COX11: variants seen among roughly 807,000 people sequenced by gnomAD.
COX11 encodes the protein cytochrome c oxidase assembly protein COX11, mitochondrial.
COX11 carries 18 observed loss-of-function variants against 29.4 expected under a neutral mutation model. The ratio of observed to expected loss-of-function variants is 0.61; its 90% CI spans 0.42 to 0.91. COX11 has a LOEUF of 0.91. Ranked by LOEUF, COX11 falls within the 40% of genes least tolerant of loss-of-function variation. COX11 has a pLI of 0.00. For synonymous variants in COX11, 131 were observed against 124.0 expected (o/e 1.06, Z -0.38); for missense variants, 312 against 346.0 (o/e 0.90, Z 0.78).
At chr17:54,966,969 A>ACCC (rs1472366687) in intron 1 of COX11, among the ~76,000 whole-genome samples, 3 of 152,088 alleles carry the variant, frequency 2.0e-5, no homozygotes, top group African/African-American at 7.2e-5. Context: ...TGAGCCCAGG[A>ACCC]GTTGAGACCA....
intron 3 of COX11, 69 bp from the exon 4 acceptor site, chr17:54,962,984 T>G: frequency 7.3e-7 from 1 of 1,361,704 alleles, no homozygotes; most frequent in Non-Finnish European, 1.0e-6. Context: ...TATACAGTTC[T>G]TTTATCTTAG....
At chr17:54,957,017 A>G (rs951195486), downstream of COX11, 2 of 152,210 alleles carry the variant, frequency 1.3e-5, no homozygotes, top group African/African-American at 4.8e-5. Context: ...CCATCTGTAA[A>G]TTGCTGAGGT....
chr17:54,959,128 A>G (rs930357617), downstream of COX11: 1 of 152,194 alleles, frequency 6.6e-6, no homozygotes, highest in Admixed American at 6.5e-5. Flanking sequence ...TTTGAGGGAG[A>G]TGAGACCAAA....
rs1049923232 is a variant in COX11, at chr17:54,960,810, G to C, written c.*1923C>G. On this transcript the variant is annotated 3_prime_UTR_variant, in exon 4 of 4. Coordinates refer to ENST00000299335, the MANE Select transcript of COX11 (RefSeq NM_004375.5). ...TGTTCACTAATGAGAGTCATTCTTTGTGATTTTCTCATCTGTAAATAGTAA... is the reference window on the plus strand; with the variant it reads ...TGTTCACTAATGAGAGTCATTCTTTCTGATTTTCTCATCTGTAAATAGTAA... 6.6e-6 allele frequency among the ~76,000 whole-genome samples: 1 copy of C among 152,142 alleles called. No homozygotes were observed. The highest frequency in any genetic ancestry group is 1.5e-5 in the Non-Finnish European group (1 of 68,022).
upstream of COX11, chr17:54,968,688 G>C: frequency 6.3e-7 from 1 of 1,579,576 alleles, no homozygotes; most frequent in Non-Finnish European, 8.6e-7. Context: ...AGGGACGAGA[G>C]GTCAAATCTC....
rs1310473186 is a variant in COX11 at position 54,967,042 on chromosome 17, G to GCGCACA, written c.366+1238_366+1239insTGTGCG. ...TAAATAAATAAACGTGCGCGCGCGC[G>GCGCACA]CACACACACACACACACACACACAC... On this transcript the variant is annotated intron_variant, in intron 1 of 3. Transcript: ENST00000299335. Among the ~76,000 whole-genome samples the GCGCACA allele has an allele frequency of 4.0e-3, 386 of 96,108 alleles. 2 individuals are homozygous for GCGCACA. Among genetic ancestry groups the GCGCACA allele is most frequent in the East Asian group, 0.012 (47 of 4,046 alleles). The allele number at this position is 96,108 out of a possible 152,430, so 63.1% of individuals were successfully genotyped here.
At chr17:54,959,130 G>A (rs2077041407), downstream of COX11, 1 of 152,162 alleles carries the variant, frequency 6.6e-6, no homozygotes, top group Non-Finnish European at 1.5e-5. Flanking sequence ...TGAGGGAGAT[G>A]AGACCAAACT....
chr17:54,954,634 C>T (rs550997540), exon 1 of COX11: 3 of 152,358 alleles, frequency 2.0e-5, no homozygotes, highest in East Asian at 3.9e-4. Context: ...TTCCAGTCCC[C>T]GAGTAGAGTT....
At chr17:54,954,283 G>C (rs60318079) in exon 1 of COX11, 44,793 of 152,050 alleles carry the variant, frequency 0.29, 6,935 homozygotes, top group African/African-American at 0.35. Context: ...TGAGAGTTAC[G>C]AACTCTCGTG....
chr17:54,960,848 CAGT>C lies in COX11; in HGVS notation c.*1882_*1884del, dbSNP rs1567852853. Among the ~76,000 whole-genome samples the C allele has an allele frequency of 1.5e-4, 23 of 152,244 alleles. No individual in the cohort carries two copies. In the South Asian group the frequency reaches 4.8e-3, roughly 32 times the overall value. On this transcript the variant is annotated 3_prime_UTR_variant, in exon 4 of 4. Transcript: ENST00000299335. ...CTGTAAATAGTAAGGCTTGGGAATA[CAGT>C]AGTTTATGGTATAGAAATATTAATG... is the stretch of plus-strand genomic sequence containing the variant.
chr17:54,959,902 C>T (rs2077070051), downstream of COX11, among the ~76,000 whole-genome samples: 1 of 152,002 alleles, frequency 6.6e-6, no homozygotes, highest in African/African-American at 2.4e-5. Context: ...TAGGTGTGAG[C>T]CACTGCACTT....
rs1432845002 is a variant in COX11 at position 54,962,192 on chromosome 17, A to C, written c.*541T>G. ...ACCTTAAAGGACAAATCAAATTTGA[A>C]ATAAGAATTTAAATCTTTGGACAAG... On this transcript the variant is annotated 3_prime_UTR_variant, in exon 4 of 4. Coordinates refer to ENST00000299335, the MANE Select transcript of COX11 (RefSeq NM_004375.5). The C allele has an allele frequency of 1.0e-6, 1 of 974,584 alleles. No homozygotes were observed. The highest frequency in any genetic ancestry group is 1.2e-6 in the Non-Finnish European group (1 of 820,058). The allele number at this position is 974,584 out of a possible 1,614,324, so 60.4% of individuals were successfully genotyped here.
chr17:54,961,855 T>TC lies in COX11; in HGVS notation c.*877dup. 1 of 968,204 alleles carries TC rather than the reference T, an allele frequency of 1.0e-6. No homozygotes were observed. Among genetic ancestry groups the TC allele is most frequent in the Non-Finnish European group, 1.2e-6 (1 of 814,164 alleles). The allele number at this position is 968,204 out of a possible 1,614,324, so 60.0% of individuals were successfully genotyped here. On this transcript the variant is annotated 3_prime_UTR_variant, in exon 4 of 4. Transcript: ENST00000299335. Reference sequence around the variant, plus strand: ...TTTGTAATGCTAAATAGCCTTTTTTTCTCTTTTTACTGCAACTTAATATTT... The same window carrying TC: ...TTTGTAATGCTAAATAGCCTTTTTTTCCTCTTTTTACTGCAACTTAATATTT...
upstream of COX11, chr17:54,968,705 C>G: frequency 2.6e-6 from 4 of 1,548,488 alleles, no homozygotes; most frequent in Non-Finnish European, 3.5e-6. Flanking sequence ...TCTCGCGAGG[C>G]GTGCTCCGTC....
intron 1 of COX11, among the ~76,000 whole-genome samples, chr17:54,965,562 A>T (rs1165067861): frequency 1.3e-5 from 2 of 152,056 alleles, no homozygotes; most frequent in Non-Finnish European, 2.9e-5. Context: ...CATCACTTTT[A>T]AAAAAAGCCC....
At chr17:54,957,317 A>C (rs1451841505), downstream of COX11, 2 of 152,194 alleles carry the variant, frequency 1.3e-5, no homozygotes, top group African/African-American at 4.8e-5. Context: ...AGGTTTGAGA[A>C]ATTTCTCTAA....
downstream of COX11, chr17:54,957,151 C>G (rs1049513647): frequency 6.6e-6 from 1 of 152,244 alleles, no homozygotes; most frequent in African/African-American, 2.4e-5. Flanking sequence ...CTATCTGCTT[C>G]CAGCCCCACC....
In COX11 at chr17:54,961,559, C is replaced by A; in HGVS notation, c.*1174G>T. On this transcript the variant is annotated 3_prime_UTR_variant, in exon 4 of 4. Coordinates refer to ENST00000299335, the MANE Select transcript of COX11 (RefSeq NM_004375.5). ...GCCTTCCTACATTTAGAAATCGTCA[C>A]ACAGCTGTGATAAGAGTAGATTATT... 1 of 1,356,786 alleles carries A rather than the reference C, an allele frequency of 7.4e-7. No homozygotes were observed. The highest frequency in any genetic ancestry group is 9.5e-7 in the Non-Finnish European group (1 of 1,055,798). The allele number at this position is 1,356,786 out of a possible 1,614,324, so 84.0% of individuals were successfully genotyped here. A position where few individuals can be genotyped will look rare whatever the true frequency, so the allele number is the denominator to read the frequency against.
At chr17:54,954,749 A>G (rs1308142499) in exon 1 of COX11, 1 of 152,232 alleles carries the variant, frequency 6.6e-6, no homozygotes, top group African/African-American at 2.4e-5. Context: ...AGAGGCTTCT[A>G]GAATTGGCAA....
Sources: gnomAD v4.1 joint callset for allele counts (sites outside exome capture counted in the v4.1 genomes callset) on GRCh38, gnomAD v4.1.1 for gene constraint, MANE v1.5 for transcripts, NCBI Gene and HGNC (gene_info 2026-07-23, HGNC 2026-07-21) for gene names.